The following POT1 variants were observed in gnomAD, a reference collection of about 807,000 sequenced individuals.
POT1 encodes protection of telomeres protein 1.
In POT1, 47 loss-of-function variants were observed where a neutral mutation model predicts 78.5. That is an observed-to-expected ratio of 0.60 (90% confidence interval 0.47 to 0.76). The LOEUF (loss-of-function observed/expected upper bound fraction) is 0.76, where lower values mean the gene tolerates loss of function less well. Ranked by LOEUF, POT1 falls within the 30% of genes least tolerant of loss-of-function variation. The pLI is 0.00. For synonymous variants in POT1, 259 were observed against 260.7 expected (o/e 0.99, Z 0.06); for missense variants, 646 against 749.9 (o/e 0.86, Z 1.62).
chr7:124,862,158 A>G (rs1795613476), intron 8 of POT1, among the ~76,000 whole-genome samples: 1 of 152,150 alleles, frequency 6.6e-6, no homozygotes, highest in South Asian at 2.1e-4. Context: ...CTTGTCCAAA[A>G]AAGTTATCTG....
rs779926456 is a variant in POT1 at position 124,863,566 on chromosome 7, C to T, written c.330G>A (p.Leu110=). 4 of 1,613,780 alleles carry T rather than the reference C, an allele frequency of 2.5e-6. No homozygotes were observed. The highest frequency in any genetic ancestry group is 3.3e-5 in the Admixed American group (2 of 59,980). The change falls in exon 8 of 19, where the codon TTG becomes TTA. Residue 110 remains leucine, a synonymous_variant. Transcript: ENST00000357628. ...AAGTGCGAGGTATGATAGGGGCTCC[C>T]AAAGTTCCCTCAAACGTCAAAGATG... ...GFASLTFEGT[L]GAPIIPRTSS...
intron 3 of POT1, among the ~76,000 whole-genome samples, chr7:124,906,753 T>G (rs940469822): frequency 1.2e-4 from 19 of 152,244 alleles, no homozygotes; most frequent in African/African-American, 4.6e-4. Flanking sequence ...ATTAATGAAT[T>G]AACACTGGCA....
intron 13 of POT1, 105 bp downstream of exon 13, chr7:124,842,702 T>C (rs1795056878): frequency 3.5e-6 from 3 of 856,864 alleles, no homozygotes; most frequent in Non-Finnish European, 3.3e-6. Context: ...AAATATAATA[T>C]ATATATTAAC....
chr7:124,913,819 T>C (rs1796949365), intron 3 of POT1, among the ~76,000 whole-genome samples: 1 of 152,170 alleles, frequency 6.6e-6, no homozygotes, highest in Non-Finnish European at 1.5e-5. Context: ...GTTTTTGCAA[T>C]TGACTGAACA....
intron 14 of POT1, among the ~76,000 whole-genome samples, chr7:124,836,645 C>G (rs936960430): frequency 6.6e-6 from 1 of 152,170 alleles, no homozygotes; most frequent in Non-Finnish European, 1.5e-5. Context: ...ACTGGCCAGT[C>G]ACACGAGTTT....
intron 6 of POT1, among the ~76,000 whole-genome samples, chr7:124,887,104 C>T (rs1006006685): frequency 1.3e-5 from 2 of 151,664 alleles, no homozygotes; most frequent in Non-Finnish European, 1.5e-5. Flanking sequence ...GGGCAGCACA[C>T]GTAACATTTG....
At chr7:124,882,335 T>C (rs1796138874) in intron 6 of POT1, among the ~76,000 whole-genome samples, 1 of 151,960 alleles carries the variant, frequency 6.6e-6, no homozygotes, top group Non-Finnish European at 1.5e-5. Context: ...TGAAGGCAAA[T>C]CACTGAATCA....
chr7:124,829,387 T>A (rs1340259628), intron 15 of POT1, 45 bp from the exon 16 acceptor site: 1 of 1,288,270 alleles, frequency 7.8e-7, no homozygotes, highest in African/African-American at 1.5e-5. Flanking sequence ...AAAAATAATT[T>A]AGCTTGTTTG....
rs758402124 is a variant in POT1 at position 124,858,941 on chromosome 7, T to C, written c.702+16A>G. On this transcript the variant is annotated intron_variant, in intron 9 of 18. Transcript: ENST00000357628. ...TATAAAAACATAAAATAACATTTTT[T>C]CCTACTATACATCACCTTCAGAGAT... 3.2e-5 allele frequency: 50 copies of C among 1,551,130 alleles called. No individual in the cohort carries two copies. The highest frequency in any genetic ancestry group is 1.1e-4 in the African/African-American group (8 of 72,588).
At chr7:124,859,186 A>T in intron 8 of POT1, 74 bp from the exon 9 acceptor site, 1 of 1,190,642 alleles carries the variant, frequency 8.4e-7, no homozygotes, top group Middle Eastern at 2.2e-4. Context: ...TTTCCTGGAA[A>T]CAGTATTTAA....
chr7:124,835,373 TA>T lies in POT1; in HGVS notation c.1410del (p.Phe470LeufsTer4), dbSNP rs763592356. ...LSEICKLSNKFNSVIPVRSGH... is the reference protein window; with the variant it reads ...LSEICKLSNKXNSVIPVRSGH... The stretch of plus-strand genomic sequence containing the variant: ...CCAGATCTCACAGGAATTACACTAT[TA>T]AACTTGTTCGAGAGTTTGCAAATTT... On this transcript the variant is annotated frameshift_variant, in exon 15 of 19. Coordinates refer to ENST00000357628, the MANE Select transcript of POT1 (RefSeq NM_015450.3). LOFTEE classifies it high-confidence loss of function. The T allele has an allele frequency of 6.2e-7, 1 of 1,613,924 alleles. No homozygotes were observed. Among genetic ancestry groups the T allele is most frequent in the Non-Finnish European group, 8.5e-7 (1 of 1,179,786 alleles).
chr7:124,829,441 A>T, intron 15 of POT1, 99 bp from the exon 16 acceptor site: 1 of 728,962 alleles, frequency 1.4e-6, no homozygotes, highest in Non-Finnish European at 2.2e-6. Context: ...TTAAAATATA[A>T]ATTATTAAAC....
intron 9 of POT1, among the ~76,000 whole-genome samples, chr7:124,857,441 G>A (rs1047681645): frequency 3.3e-5 from 5 of 152,174 alleles, no homozygotes; most frequent in Admixed American, 1.3e-4. Flanking sequence ...TTACATCCCT[G>A]TTTTCCTGCT....
At chr7:124,842,291 A>G (rs1795046585) in intron 13 of POT1, among the ~76,000 whole-genome samples, 1 of 152,020 alleles carries the variant, frequency 6.6e-6, no homozygotes, top group Non-Finnish European at 1.5e-5. Context: ...CAAAACAGTT[A>G]TATACATTTA....
At chr7:124,832,577 G>A (rs1275407369) in intron 15 of POT1, among the ~76,000 whole-genome samples, 2 of 152,100 alleles carry the variant, frequency 1.3e-5, no homozygotes, top group Non-Finnish European at 2.9e-5. Flanking sequence ...CACTTTGGGA[G>A]GCCGAGGTGG....
intron 7 of POT1, among the ~76,000 whole-genome samples, chr7:124,867,729 C>T (rs1795765977): frequency 6.6e-6 from 1 of 152,030 alleles, no homozygotes; most frequent in Admixed American, 6.5e-5. Flanking sequence ...TCACTGCAAC[C>T]TCTGCCTCCC....
intron 3 of POT1, among the ~76,000 whole-genome samples, chr7:124,914,824 C>T (rs1229847366): frequency 2.0e-5 from 3 of 152,008 alleles, no homozygotes; most frequent in African/African-American, 7.2e-5. Flanking sequence ...TTTTTATATC[C>T]ATAGGGGGCT....
chr7:124,873,493 T>C (rs1267135112), intron 6 of POT1, among the ~76,000 whole-genome samples: 4 of 152,204 alleles, frequency 2.6e-5, no homozygotes. Flanking sequence ...CTGTTGAATT[T>C]GGTTTGCTAG....
chr7:124,913,103 A>C (rs1035245879), intron 3 of POT1, among the ~76,000 whole-genome samples: 3 of 152,214 alleles, frequency 2.0e-5, no homozygotes, highest in Middle Eastern at 3.4e-3. Flanking sequence ...TGATCCCGTG[A>C]AACTCCTTCA....
Sources: allele counts gnomAD v4.1 joint callset (sites outside exome capture counted in the v4.1 genomes callset), GRCh38; gene constraint gnomAD v4.1.1; transcripts MANE v1.5; gene names NCBI Gene and HGNC (gene_info 2026-07-23, HGNC 2026-07-21).